Variants in CYSTM1 observed in about 807,000 individuals in gnomAD.
CYSTM1 encodes cysteine rich transmembrane module containing 1.
In CYSTM1, 4 loss-of-function variants were observed where a neutral mutation model predicts 13.1. The observed-to-expected ratio is 0.31, with a 90% confidence interval of 0.15 to 0.70. The LOEUF is 0.70. Ranked by LOEUF, CYSTM1 falls within the 30% of genes least tolerant of loss-of-function variation. CYSTM1 has a pLI of 0.72. For missense variants in CYSTM1, 96 were observed against 121.6 expected, an observed-to-expected ratio of 0.79 and a Z score of 0.99; for synonymous variants, 36 against 42.7, an observed-to-expected ratio of 0.84 and a Z score of 0.62.
chr5:140,188,224 C>T (rs1194394105), intron 1 of CYSTM1, among the ~76,000 whole-genome samples: 2 of 151,664 alleles, frequency 1.3e-5, no homozygotes, highest in Non-Finnish European at 2.9e-5. Flanking sequence ...ATGTATAACA[C>T]CACAGCTTGC....
intron 2 of CYSTM1, among the ~76,000 whole-genome samples, chr5:140,204,522 C>A (rs546577883): frequency 1.4e-3 from 213 of 152,192 alleles, no homozygotes; most frequent in Middle Eastern, 0.01. Flanking sequence ...TCTGCACCCC[C>A]CCACCCCTAA....
chr5:140,222,414 T>C (rs1489162426), intron 2 of CYSTM1, among the ~76,000 whole-genome samples: 1 of 152,260 alleles, frequency 6.6e-6, no homozygotes, highest in Non-Finnish European at 1.5e-5. Context: ...CTTGAGCCAG[T>C]GTCCATCTGT....
At chr5:140,183,148 G>A (rs575128281) in intron 1 of CYSTM1, among the ~76,000 whole-genome samples, 3 of 152,324 alleles carry the variant, frequency 2.0e-5, no homozygotes, top group African/African-American at 7.2e-5. Flanking sequence ...GTCTTTCAGG[G>A]GCTGGGCTGG....
At chr5:140,180,037 C>T (rs1042169087) in intron 1 of CYSTM1, among the ~76,000 whole-genome samples, 3 of 152,144 alleles carry the variant, frequency 2.0e-5, no homozygotes, top group Admixed American at 6.5e-5. Flanking sequence ...AAACCAGTAA[C>T]AGAAGGCTGT....
intron 2 of CYSTM1, among the ~76,000 whole-genome samples, chr5:140,227,825 C>T (rs935296854): frequency 6.6e-6 from 1 of 152,178 alleles, no homozygotes; most frequent in African/African-American, 2.4e-5. Context: ...GCATTGGAAT[C>T]AGACGAGCCT....
At chr5:140,185,389 A>G (rs1201529065) in intron 1 of CYSTM1, among the ~76,000 whole-genome samples, 2 of 152,238 alleles carry the variant, frequency 1.3e-5, no homozygotes, top group Admixed American at 6.5e-5. Context: ...CATTGACTAT[A>G]TGAGAATAGC....
At chr5:140,223,400 AC>A (rs1764512321) in intron 2 of CYSTM1, among the ~76,000 whole-genome samples, 1 of 152,206 alleles carries the variant, frequency 6.6e-6, no homozygotes, top group Non-Finnish European at 1.5e-5. Flanking sequence ...ACCACTGTCA[AC>A]CCTGCTTTTT....
chr5:140,236,465 A>G (rs1764682363), intron 2 of CYSTM1, among the ~76,000 whole-genome samples: 1 of 152,212 alleles, frequency 6.6e-6, no homozygotes, highest in Non-Finnish European at 1.5e-5. Flanking sequence ...AACATAGACA[A>G]TGGCCTAGAA....
chr5:140,223,971 C>T (rs1432547841), intron 2 of CYSTM1, among the ~76,000 whole-genome samples: 1 of 152,170 alleles, frequency 6.6e-6, no homozygotes, highest in African/African-American at 2.4e-5. Flanking sequence ...GAGGCTGACA[C>T]ATCCAGTTTC....
intron 2 of CYSTM1, chr5:140,203,275 A>G (rs1764253377): frequency 6.6e-6 from 1 of 152,186 alleles, no homozygotes; most frequent in Non-Finnish European, 1.5e-5. Flanking sequence ...AGATAATACA[A>G]ATGGTTCTGT....
In CYSTM1 at chr5:140,219,812, C is replaced by T. The variant is rs1167290112; in HGVS notation, c.188-23493C>T. Among the ~76,000 whole-genome samples the T allele has an allele frequency of 1.3e-5, 2 of 152,192 alleles. No homozygotes were observed. The highest frequency in any genetic ancestry group is 2.9e-5 in the Non-Finnish European group (2 of 68,042). Reference sequence around the variant, plus strand: ...TGAATGAGACTCCTGGGCCAGCACTCAATGTGAATCAGGCTAACATTGACG... The same window carrying T: ...TGAATGAGACTCCTGGGCCAGCACTTAATGTGAATCAGGCTAACATTGACG... On this transcript the variant is annotated intron_variant, in intron 2 of 2. Coordinates refer to ENST00000261811, the MANE Select transcript of CYSTM1 (RefSeq NM_032412.4). The surrounding 1 kb of genome is among the most constrained non-coding windows in gnomAD (Gnocchi z 4.1).
chr5:140,208,812 G>A (rs899929466), intron 2 of CYSTM1, among the ~76,000 whole-genome samples: 1 of 152,180 alleles, frequency 6.6e-6, no homozygotes, highest in Non-Finnish European at 1.5e-5. Context: ...GGCCGAGGCA[G>A]GCGGATCACG....
intron 2 of CYSTM1, among the ~76,000 whole-genome samples, chr5:140,241,123 C>T (rs557927528): frequency 2.6e-5 from 4 of 152,336 alleles, no homozygotes; most frequent in East Asian, 1.9e-4. Flanking sequence ...TAGTTCCCCA[C>T]GTTTCCAAGT....
intron 1 of CYSTM1, among the ~76,000 whole-genome samples, chr5:140,184,926 T>C (rs1171036914): frequency 6.6e-6 from 1 of 152,218 alleles, no homozygotes; most frequent in Non-Finnish European, 1.5e-5. Flanking sequence ...TATGGATAAT[T>C]AATGTAGGTA....
rs1764725858 is a variant in CYSTM1, at chr5:140,239,872, C to T, written c.188-3433C>T. On this transcript the variant is annotated intron_variant, in intron 2 of 2. Coordinates refer to ENST00000261811, the MANE Select transcript of CYSTM1 (RefSeq NM_032412.4). This position sits in a 1 kb window ranked among gnomAD's most constrained non-coding sequence, Gnocchi z 5.4. The stretch of plus-strand genomic sequence containing the variant: ...CTGACCCCCACTCCACCTGTAGTCC[C>T]CTAGGAATAGTCCCTTCTTCTCTGG... Among the ~76,000 whole-genome samples the T allele has an allele frequency of 6.6e-6, 1 of 152,192 alleles. No individual in the cohort carries two copies. Among genetic ancestry groups the T allele is most frequent in the South Asian group, 2.1e-4 (1 of 4,830 alleles).
chr5:140,183,736 G>A (rs368170735), intron 1 of CYSTM1, among the ~76,000 whole-genome samples: 1 of 152,354 alleles, frequency 6.6e-6, no homozygotes, highest in East Asian at 1.9e-4. Context: ...TCCATAAGCT[G>A]AATGCAGAGG....
chr5:140,238,697 G>A (rs767573012), intron 2 of CYSTM1, among the ~76,000 whole-genome samples: 2 of 152,150 alleles, frequency 1.3e-5, no homozygotes, highest in East Asian at 1.9e-4. Context: ...CTGTCTTGAC[G>A]TTTTTACTTA....
At chr5:140,184,675 G>C (rs1763995931) in intron 1 of CYSTM1, among the ~76,000 whole-genome samples, 2 of 152,068 alleles carry the variant, frequency 1.3e-5, no homozygotes, top group African/African-American at 2.4e-5. Context: ...TTTTTCCCAG[G>C]AATGTTTATA....
intron 2 of CYSTM1, among the ~76,000 whole-genome samples, chr5:140,213,944 C>T (rs1368724202): frequency 1.3e-5 from 2 of 152,096 alleles, no homozygotes; most frequent in East Asian, 1.9e-4. Context: ...CAGGGAATAT[C>T]CTTAAAATAC....
Sources: gnomAD v4.1 joint callset for allele counts (sites outside exome capture counted in the v4.1 genomes callset) on GRCh38, gnomAD v4.1.1 for gene constraint, Gnocchi (gnomAD v3.1) non-coding constraint, MANE v1.5 for transcripts, NCBI Gene and HGNC (gene_info 2026-07-23, HGNC 2026-07-21) for gene names.